The following REDIC1 variants were observed in gnomAD, a reference collection of about 807,000 sequenced individuals.
REDIC1 encodes the protein regulator of DNA class I crossover intermediates 1.
the REDIC1 span, among the ~76,000 whole-genome samples, chr12:39,906,349 G>T: frequency 6.6e-6 from 1 of 152,084 alleles, no homozygotes; most frequent in Admixed American, 6.6e-5. Flanking sequence ...GTCATTGTCA[G>T]TCCTCCTGCT....
the REDIC1 span, among the ~76,000 whole-genome samples, chr12:39,743,432 G>A: frequency 6.6e-6 from 1 of 152,116 alleles, no homozygotes; most frequent in Admixed American, 6.5e-5. Flanking sequence ...CTTTAGCCCA[G>A]TACAGTATGT....
the REDIC1 span, among the ~76,000 whole-genome samples, chr12:39,855,017 T>C: frequency 6.6e-6 from 1 of 152,204 alleles, no homozygotes; most frequent in African/African-American, 2.4e-5. Flanking sequence ...TACTGAAATT[T>C]AGCATTTCCT....
chr12:39,805,222 T>C, the REDIC1 span, among the ~76,000 whole-genome samples: 2 of 152,176 alleles, frequency 1.3e-5, no homozygotes, highest in East Asian at 1.9e-4. Flanking sequence ...TTCTAAATGA[T>C]GTGAGAAGCC....
At chr12:39,755,521 G>T in the REDIC1 span, 1 of 152,066 alleles carries the variant, frequency 6.6e-6, no homozygotes, top group Non-Finnish European at 1.5e-5. Context: ...CAGTTTGGAC[G>T]TGTAGAATAT....
At chr12:39,752,854 C>CCTT in the REDIC1 span, among the ~76,000 whole-genome samples, 8,917 of 152,186 alleles carry the variant, frequency 0.059, 908 homozygotes, top group African/African-American at 0.21. Flanking sequence ...ATGTCAGATT[C>CCTT]CTTTTTAAAG....
At chr12:39,882,761 A>G in the REDIC1 span, among the ~76,000 whole-genome samples, 1 of 150,804 alleles carries the variant, frequency 6.6e-6, no homozygotes, top group African/African-American at 2.4e-5. Flanking sequence ...CCTGTCTTCT[A>G]AATTCCTTCT....
chr12:39,899,776 T>G, the REDIC1 span, among the ~76,000 whole-genome samples: 22 of 152,180 alleles, frequency 1.4e-4, no homozygotes, highest in Non-Finnish European at 3.1e-4. Context: ...TCAGTTTCCA[T>G]GTAGTTGAGC....
At chr12:39,644,528 C>A in the REDIC1 span, among the ~76,000 whole-genome samples, 3 of 151,670 alleles carry the variant, frequency 2.0e-5, no homozygotes, top group Non-Finnish European at 2.9e-5. Context: ...AAAATGAGAG[C>A]ATAAAAATAA....
the REDIC1 span, among the ~76,000 whole-genome samples, chr12:39,796,041 C>G: frequency 8.2e-4 from 125 of 152,260 alleles, 4 homozygotes; most frequent in East Asian, 0.023. Flanking sequence ...ACTCCCAAAC[C>G]TCTTCTCCCC....
At chr12:39,764,651 T>A in the REDIC1 span, 1 of 1,582,084 alleles carries the variant, frequency 6.3e-7, no homozygotes, top group Non-Finnish European at 8.6e-7. Flanking sequence ...TAAAATAGCA[T>A]GTAAGAAATT....
the REDIC1 span, among the ~76,000 whole-genome samples, chr12:39,737,976 C>G: frequency 6.6e-6 from 1 of 152,104 alleles, no homozygotes; most frequent in Non-Finnish European, 1.5e-5. Context: ...CTAAGAAGAC[C>G]TATTTCAGTA....
the REDIC1 span, among the ~76,000 whole-genome samples, chr12:39,829,208 C>T: frequency 6.6e-6 from 1 of 151,622 alleles, no homozygotes; most frequent in Non-Finnish European, 1.5e-5. Context: ...TTATTTTATA[C>T]TAATATTTCA....
the REDIC1 span, among the ~76,000 whole-genome samples, chr12:39,899,232 T>G: frequency 6.6e-6 from 1 of 152,174 alleles, no homozygotes; most frequent in Admixed American, 6.5e-5. Context: ...GTCGAGGAAT[T>G]TATCCATTTC....
the REDIC1 span, among the ~76,000 whole-genome samples, chr12:39,843,064 A>C: frequency 1.3e-5 from 2 of 152,174 alleles, no homozygotes; most frequent in African/African-American, 2.4e-5. Context: ...TATAAAAAAA[A>C]CTGTTGCTAT....
chr12:39,849,878 CTGT>C, the REDIC1 span, among the ~76,000 whole-genome samples: 1 of 151,768 alleles, frequency 6.6e-6, no homozygotes, highest in Non-Finnish European at 1.5e-5. Context: ...TTTCAAAGCT[CTGT>C]TGTTGTTTTT....
At chr12:39,715,460 A>T in the REDIC1 span, among the ~76,000 whole-genome samples, 5 of 151,892 alleles carry the variant, frequency 3.3e-5, no homozygotes, top group Non-Finnish European at 7.4e-5. Context: ...TCCCATGCTC[A>T]TGGATGGGTA....
chr12:39,716,870 T>G, the REDIC1 span: 2 of 1,359,290 alleles, frequency 1.5e-6, no homozygotes, highest in Non-Finnish European at 2.0e-6. Flanking sequence ...TATTAATACA[T>G]GCTATATTAA....
the REDIC1 span, among the ~76,000 whole-genome samples, chr12:39,852,176 A>G: frequency 0.014 from 2,111 of 152,302 alleles, 23 homozygotes; most frequent in Non-Finnish European, 0.019. Flanking sequence ...AAATAACAGC[A>G]TCTTGATCAG....
chr12:39,825,838 A>G, the REDIC1 span, among the ~76,000 whole-genome samples: 3 of 152,032 alleles, frequency 2.0e-5, no homozygotes, highest in Non-Finnish European at 4.4e-5. Flanking sequence ...GGCTTACTCT[A>G]TGTTCTACTT....
Sources: gnomAD v4.1 joint callset for allele counts (sites outside exome capture counted in the v4.1 genomes callset) on GRCh38, gnomAD v4.1.1 for gene constraint, MANE v1.5 for transcripts, NCBI Gene and HGNC (gene_info 2026-07-23, HGNC 2026-07-21) for gene names.